The following VTA1 variants were observed in gnomAD, a reference collection of about 807,000 sequenced individuals.
VTA1 encodes vesicle trafficking 1.
A neutral mutation model predicts 36.9 loss-of-function variants in VTA1; 24 were observed. That is an observed-to-expected ratio of 0.65 (90% CI 0.47 to 0.91). The LOEUF (loss-of-function observed/expected upper bound fraction) is 0.91, where lower values mean the gene tolerates loss of function less well. VTA1 is among the 40% of genes least tolerant of loss of function. The pLI, the probability that VTA1 is intolerant of heterozygous loss-of-function variation, is 0.00. For missense variants in VTA1, 393 were observed against 377.2 expected (o/e 1.04, Z -0.35); for synonymous variants, 142 against 130.2 (o/e 1.09, Z -0.62).
rs750775865 is a variant in VTA1 at position 142,198,400 on chromosome 6, A to G, written c.521-39A>G. 6 of 1,576,062 alleles carry G rather than the reference A, an allele frequency of 3.8e-6. No homozygotes were observed. In the African/African-American group the frequency reaches 5.4e-5, roughly 14 times the overall value. On this transcript the variant is annotated intron_variant, in intron 5 of 7. Transcript: ENST00000367630. ...AAGAATACCTAGCACTTGTATTTCA[A>G]AATACCTACTGTAACATTGTGTATA...
intron 4 of VTA1, 60 bp from the exon 5 acceptor site, chr6:142,189,366 A>G: frequency 5.1e-6 from 7 of 1,362,580 alleles, no homozygotes; most frequent in Non-Finnish European, 7.2e-6. Flanking sequence ...GTCATCATAA[A>G]TGTTTACTTT....
At chr6:142,190,583 C>T (rs1359185415) in intron 5 of VTA1, among the ~76,000 whole-genome samples, 2 of 152,058 alleles carry the variant, frequency 1.3e-5, no homozygotes, top group Non-Finnish European at 2.9e-5. Flanking sequence ...TTTTCACTTA[C>T]TTGTTTTTTA....
At chr6:142,195,015 A>G (rs1775519475) in intron 5 of VTA1, among the ~76,000 whole-genome samples, 1 of 152,054 alleles carries the variant, frequency 6.6e-6, no homozygotes, top group Non-Finnish European at 1.5e-5. Context: ...CTTGTATTAT[A>G]TGGCTGATTT....
At chr6:142,148,682 A>G (rs915937612) in intron 1 of VTA1, among the ~76,000 whole-genome samples, 2 of 152,204 alleles carry the variant, frequency 1.3e-5, no homozygotes. Context: ...GAAGACAAAT[A>G]GAGCAAGGAA....
intron 5 of VTA1, among the ~76,000 whole-genome samples, chr6:142,190,004 A>G (rs541645529): frequency 4.7e-4 from 72 of 152,168 alleles, no homozygotes; most frequent in South Asian, 8.3e-4. Flanking sequence ...TGATCCGCCC[A>G]CCTTGGCCTC....
At chr6:142,196,303 C>T (rs569207054) in intron 5 of VTA1, among the ~76,000 whole-genome samples, 2 of 152,214 alleles carry the variant, frequency 1.3e-5, no homozygotes, top group African/African-American at 2.4e-5. Context: ...TATTCCTTGT[C>T]ATTGATTCTA....
chr6:142,209,099 A>G (rs1451004062), intron 7 of VTA1, among the ~76,000 whole-genome samples: 1 of 152,138 alleles, frequency 6.6e-6, no homozygotes, highest in African/African-American at 2.4e-5. Flanking sequence ...AGATGACATG[A>G]TCTTATGCCT....
At chr6:142,187,214 A>G (rs1274284616) in intron 4 of VTA1, among the ~76,000 whole-genome samples, 2 of 152,218 alleles carry the variant, frequency 1.3e-5, no homozygotes, top group Non-Finnish European at 2.9e-5. Context: ...CTTGAAGGTC[A>G]GCTAGAGGAT....
chr6:142,150,780 C>T (rs776641603), intron 1 of VTA1, among the ~76,000 whole-genome samples: 8 of 152,020 alleles, frequency 5.3e-5, no homozygotes, highest in South Asian at 4.2e-4. Flanking sequence ...GGTGTGGTGG[C>T]GCATGCCTGT....
chr6:142,193,156 G>A (rs1270314576), intron 5 of VTA1, among the ~76,000 whole-genome samples: 1 of 152,016 alleles, frequency 6.6e-6, no homozygotes, highest in East Asian at 1.9e-4. Flanking sequence ...CTTTTGAAAA[G>A]TACAGTTACT....
chr6:142,189,917 T>C lies in VTA1; in HGVS notation c.520+383T>C, dbSNP rs182750700. ...GACTACAGGCGCCTGCCACCACGCC[T>C]GGCTAATTTTTTTGTACTTTTAGTA... On this transcript the variant is annotated intron_variant, in intron 5 of 7. Transcript: ENST00000367630. Among the ~76,000 whole-genome samples, 168 of 152,184 alleles carry C rather than the reference T, an allele frequency of 1.1e-3. 2 individuals carry two copies. In the East Asian group the frequency reaches 0.021, roughly 19 times the overall value.
chr6:142,150,539 G>A (rs1371124440), intron 1 of VTA1, among the ~76,000 whole-genome samples: 1 of 152,152 alleles, frequency 6.6e-6, no homozygotes, highest in Admixed American at 6.5e-5. Context: ...GTATTGCCTT[G>A]AAAGAGAAGG....
chr6:142,199,071 G>A (rs1337841164), intron 6 of VTA1, among the ~76,000 whole-genome samples: 1 of 151,960 alleles, frequency 6.6e-6, no homozygotes, highest in Non-Finnish European at 1.5e-5. Flanking sequence ...TGATGATGGG[G>A]AATGGGCTTT....
chr6:142,202,781 G>A (rs1775715271), intron 6 of VTA1, among the ~76,000 whole-genome samples: 1 of 151,808 alleles, frequency 6.6e-6, no homozygotes, highest in African/African-American at 2.4e-5. Context: ...GGGTAGGAGA[G>A]GCAGGCTTTC....
intron 4 of VTA1, among the ~76,000 whole-genome samples, chr6:142,188,525 AC>A (rs1775390416): frequency 6.6e-6 from 1 of 151,722 alleles, no homozygotes; most frequent in Non-Finnish European, 1.5e-5. Flanking sequence ...AAATAGTAAA[AC>A]CACGTTCGCT....
intron 7 of VTA1, among the ~76,000 whole-genome samples, chr6:142,217,279 T>A (rs2087127364): frequency 6.6e-6 from 1 of 152,172 alleles, no homozygotes; most frequent in Non-Finnish European, 1.5e-5. Flanking sequence ...GCAATTTAAT[T>A]AATGTTTAAT....
chr6:142,179,701 C>T (rs1020854203), intron 4 of VTA1, among the ~76,000 whole-genome samples: 1 of 152,090 alleles, frequency 6.6e-6, no homozygotes, highest in Non-Finnish European at 1.5e-5. Context: ...ATGGTTTACC[C>T]AGGTATATTA....
chr6:142,198,482 T>G lies in VTA1; in HGVS notation c.564T>G (p.Thr188=). 1.2e-6 allele frequency: 2 copies of G among 1,614,074 alleles called. No homozygotes were observed. Among genetic ancestry groups the G allele is most frequent in the Non-Finnish European group, 1.7e-6 (2 of 1,179,956 alleles). ...NEDAGAASLP[T]QPTQPSSSST... ...ATGCTGGAGCAGCCTCTCTGCCCAC[T>G]CAGCCAACTCAGCCATCATCATCTT... The change falls in exon 6 of 8, where the codon ACT becomes ACG. Residue 188 remains threonine, a synonymous_variant. Transcript: ENST00000367630.
At position 142,213,216 on chromosome 6, in the gene VTA1, C is replaced by G. The variant is rs189668945; in HGVS notation, c.779-5282C>G. 2.8e-3 allele frequency among the ~76,000 whole-genome samples: 421 copies of G among 152,292 alleles called. 2 individuals carry two copies. The highest frequency in any genetic ancestry group is 3.9e-3 in the Non-Finnish European group (268 of 68,028). On this transcript the variant is annotated intron_variant, in intron 7 of 7. Coordinates refer to ENST00000367630, the MANE Select transcript of VTA1 (RefSeq NM_016485.5). ...GGCCAAAACAAAGGGGCTACAGGCCCCATGCAAGTCTGAAGCCCACCAGGA... is the reference window on the plus strand; with the variant it reads ...GGCCAAAACAAAGGGGCTACAGGCCGCATGCAAGTCTGAAGCCCACCAGGA...
Sources: gnomAD v4.1 joint callset for allele counts (sites outside exome capture counted in the v4.1 genomes callset) on GRCh38, gnomAD v4.1.1 for gene constraint, MANE v1.5 for transcripts, NCBI Gene and HGNC (gene_info 2026-07-23, HGNC 2026-07-21) for gene names.